Variants in KNDC1 observed in about 807,000 individuals in gnomAD.
KNDC1 encodes the protein kinase non-catalytic C-lobe domain containing 1.
In KNDC1, 106 loss-of-function variants were observed where a neutral mutation model predicts 172.8. The ratio of observed to expected loss-of-function variants is 0.61; its 90% CI spans 0.52 to 0.72. KNDC1 has a LOEUF of 0.72. Among genes scored for constraint, KNDC1 ranks in the 30% least tolerant of loss-of-function variants. KNDC1 has a pLI of 0.00. For synonymous variants in KNDC1, 1,083 were observed against 1,062.2 expected, an observed-to-expected ratio of 1.02 and a Z score of -0.38; for missense variants, 2,325 against 2,394.5, an observed-to-expected ratio of 0.97 and a Z score of 0.61.
chr10:133,166,367 A>G (rs1375353230), intron 1 of KNDC1, among the ~76,000 whole-genome samples: 3 of 152,022 alleles, frequency 2.0e-5, no homozygotes, highest in South Asian at 2.1e-4. Context: ...TCAGCTCCAT[A>G]CTCGGGTGCG....
At chr10:133,223,377 C>G (rs71503787) in intron 29 of KNDC1, among the ~76,000 whole-genome samples, 10 of 15,324 alleles carry the variant, frequency 6.5e-4, no homozygotes, top group South Asian at 4.1e-3. Context: ...GTGTGTGTGT[C>G]TGTGAGAGCC....
Position 133,160,466 on chromosome 10 carries a change from G to C in KNDC1, c.-2G>C. On this transcript the variant is annotated 5_prime_UTR_variant, in exon 1 of 30. Coordinates refer to ENST00000304613, the MANE Select transcript of KNDC1 (RefSeq NM_152643.8). ...GGGGGCGGTGCGCGGCGCGGCCGCA[G>C]GATGCAGGCCATGGACCCGGCCGCG... is the stretch of plus-strand genomic sequence containing the variant. The C allele has an allele frequency of 1.3e-6, 2 of 1,542,388 alleles. No individual in the cohort carries two copies. The highest frequency in any genetic ancestry group is 1.7e-6 in the Non-Finnish European group (2 of 1,146,270).
At chr10:133,184,153 ACACACACTG>A (rs921395837) in intron 5 of KNDC1, among the ~76,000 whole-genome samples, 164 bp downstream of exon 5, 1 of 142,380 alleles carries the variant, frequency 7.0e-6, no homozygotes, top group Non-Finnish European at 1.5e-5. Context: ...ACACCCATGC[ACACACACTG>A]CACACACACC....
At chr10:133,221,284 G>A (rs961698083) in intron 29 of KNDC1, among the ~76,000 whole-genome samples, 1 of 152,090 alleles carries the variant, frequency 6.6e-6, no homozygotes, top group African/African-American at 2.4e-5. Context: ...CACCTGCCCA[G>A]CACCTGGGAC....
In KNDC1 at chr10:133,189,583, C is replaced by G. The variant is rs1038022346; in HGVS notation, c.1442-15C>G. 1.2e-6 allele frequency: 2 copies of G among 1,612,218 alleles called. No individual in the cohort carries two copies. Among genetic ancestry groups the G allele is most frequent in the Non-Finnish European group, 1.7e-6 (2 of 1,179,852 alleles). On this transcript the variant is annotated splice_polypyrimidine_tract_variant and intron_variant, in intron 7 of 29. Transcript: ENST00000304613. ...GGCAGCATGCATACCCGCCCTGACC[C>G]AAGCTCTGCCACAGCCTACCTGTGT... is the stretch of plus-strand genomic sequence containing the variant.
chr10:133,180,330 C>T (rs1028691071), intron 3 of KNDC1, among the ~76,000 whole-genome samples: 6 of 152,214 alleles, frequency 3.9e-5, no homozygotes, highest in African/African-American at 1.4e-4. Context: ...CTCTGCACCT[C>T]GAGGGCCGAC....
At chr10:133,191,699 CA>C (rs200197624) in intron 9 of KNDC1, among the ~76,000 whole-genome samples, 82 of 152,002 alleles carry the variant, frequency 5.4e-4, no homozygotes, top group Non-Finnish European at 9.0e-4. Flanking sequence ...GACTCAGTCT[CA>C]AAAAAATAAG....
At chr10:133,180,523 G>T (rs1564880484) in intron 3 of KNDC1, among the ~76,000 whole-genome samples, 1 of 152,256 alleles carries the variant, frequency 6.6e-6, no homozygotes, top group East Asian at 1.9e-4. Context: ...ATTAGGTCTG[G>T]ATATCTTAAA....
intron 1 of KNDC1, among the ~76,000 whole-genome samples, chr10:133,164,741 G>A (rs911064664): frequency 4.1e-5 from 6 of 146,532 alleles, no homozygotes; most frequent in African/African-American, 9.8e-5. Context: ...ACTACAGGAC[G>A]CCCACAGCTC....
chr10:133,195,571 G>A, intron 9 of KNDC1, 92 bp from the exon 10 acceptor site: 2 of 1,264,966 alleles, frequency 1.6e-6, no homozygotes, highest in African/African-American at 1.6e-5. Context: ...GCAGTGCCTG[G>A]GTGCCCCTCA....
intron 3 of KNDC1, among the ~76,000 whole-genome samples, chr10:133,176,024 G>A (rs918360967): frequency 1.9e-4 from 28 of 151,298 alleles, no homozygotes; most frequent in African/African-American, 5.8e-4. Context: ...ATGGGTGGAT[G>A]GATGGATGGA....
rs532100824 is a variant in KNDC1, at chr10:133,184,162, GCA to G, written c.625+181_625+182del. ...CCACACACACCCATGCACACACACT[GCA>G]CACACACCTATGCACACACACACCT... On this transcript the variant is annotated intron_variant, in intron 5 of 29. Coordinates refer to ENST00000304613, the MANE Select transcript of KNDC1 (RefSeq NM_152643.8). Among the ~76,000 whole-genome samples the G allele has an allele frequency of 1.4e-4, 18 of 128,716 alleles. No homozygotes were observed. The East Asian group carries it at 2.8e-3, about 20-fold the overall frequency. The allele number at this position is 128,716 out of a possible 152,430, so 84.4% of individuals were successfully genotyped here.
chr10:133,166,799 C>A (rs1009891678), intron 1 of KNDC1, among the ~76,000 whole-genome samples: 3 of 151,894 alleles, frequency 2.0e-5, no homozygotes, highest in African/African-American at 7.3e-5. Flanking sequence ...GCTGAGCCCT[C>A]GCGGAGTCCA....
chr10:133,188,011 T>C (rs1589751910), intron 6 of KNDC1, among the ~76,000 whole-genome samples: 2 of 151,650 alleles, frequency 1.3e-5, no homozygotes, highest in East Asian at 3.9e-4. Flanking sequence ...CAGAGCTGTG[T>C]GTCTGGTCTC....
At chr10:133,188,697 C>A (rs1190317133) in intron 7 of KNDC1, 44 bp downstream of exon 7, 3 of 1,080,224 alleles carry the variant, frequency 2.8e-6, no homozygotes, top group African/African-American at 3.3e-5. Flanking sequence ...CCCCACCCCC[C>A]ACTGCTGTTC....
intron 16 of KNDC1, among the ~76,000 whole-genome samples, chr10:133,201,258 CAG>C (rs1854354877): frequency 6.6e-6 from 1 of 152,190 alleles, no homozygotes; most frequent in African/African-American, 2.4e-5. Flanking sequence ...AGTGAGGGCG[CAG>C]AGTGGGGCTC....
chr10:133,200,234 T>C, intron 15 of KNDC1, 141 bp from the exon 16 acceptor site: 1 of 560,140 alleles, frequency 1.8e-6, no homozygotes, highest in Non-Finnish European at 3.0e-6. Flanking sequence ...CTGTGCCCCT[T>C]AGTGACTGAG....
At chr10:133,202,591 C>T (rs1288220716) in intron 17 of KNDC1, 2 of 456,500 alleles carry the variant, frequency 4.4e-6, no homozygotes, top group Non-Finnish European at 4.4e-6. Flanking sequence ...CTCCTACCAC[C>T]GTCTGCCTCG....
At position 133,207,253 on chromosome 10, in the gene KNDC1, C is replaced by T; in HGVS notation, c.3696C>T (p.Leu1232=). ...DFSPLDESSS[L]IFYNVNKHPG... ...GCCCCCTGGACGAGTCCTCCTCGCT[C>T]ATCTTCTACAACGTCAACAAGCACC... Residue 1232 remains leucine, a synonymous_variant, in exon 20 of 30, where the codon CTC becomes CTT. Transcript: ENST00000304613. The T allele has an allele frequency of 6.2e-7, 1 of 1,613,136 alleles. No individual in the cohort carries two copies. The highest frequency in any genetic ancestry group is 1.3e-5 in the African/African-American group (1 of 75,072).
Sources: allele counts gnomAD v4.1 joint callset (sites outside exome capture counted in the v4.1 genomes callset), GRCh38; gene constraint gnomAD v4.1.1; transcripts MANE v1.5; gene names NCBI Gene and HGNC (gene_info 2026-07-23, HGNC 2026-07-21).